FHIT: variants seen among roughly 807,000 people sequenced by gnomAD.
The protein encoded by FHIT is bis(5'-adenosyl)-triphosphatase.
FHIT carries 19 observed loss-of-function variants against 17.9 expected under a neutral mutation model. The observed-to-expected ratio is 1.06, with a 90% CI of 0.74 to 1.56. The LOEUF is 1.56. Among genes scored for constraint, FHIT ranks in the 40% most tolerant of loss-of-function variants. The pLI is 0.00. For synonymous variants in FHIT, 81 were observed against 69.7 expected, an observed-to-expected ratio of 1.16 and a Z score of -0.81; for missense variants, 248 against 189.2, an observed-to-expected ratio of 1.31 and a Z score of -1.82.
At chr3:60,738,930 A>T (rs1334527674) in intron 4 of FHIT, among the ~76,000 whole-genome samples, 4 of 152,124 alleles carry the variant, frequency 2.6e-5, no homozygotes, top group Non-Finnish European at 5.9e-5. Flanking sequence ...ACCCATATAA[A>T]TCCCGGACCC....
At chr3:60,049,048 T>G (rs1701767980) in intron 5 of FHIT, among the ~76,000 whole-genome samples, 1 of 152,204 alleles carries the variant, frequency 6.6e-6, no homozygotes, top group Admixed American at 6.5e-5. Flanking sequence ...TGGATTTTCC[T>G]TCTGACCTGC....
intron 4 of FHIT, chr3:60,732,603 T>C (rs1306894729): frequency 3.6e-6 from 2 of 555,808 alleles, no homozygotes; most frequent in Non-Finnish European, 7.1e-6. Context: ...TCCGTGTCAA[T>C]GGCAATGTGG....
intron 5 of FHIT, among the ~76,000 whole-genome samples, chr3:60,240,291 A>G (rs1705059772): frequency 6.6e-6 from 1 of 152,176 alleles, no homozygotes; most frequent in Non-Finnish European, 1.5e-5. Flanking sequence ...TTTGCTTCAA[A>G]TTTATATTTC....
chr3:60,529,816 T>A (rs2035706395), intron 5 of FHIT, among the ~76,000 whole-genome samples: 1 of 152,224 alleles, frequency 6.6e-6, no homozygotes, highest in Non-Finnish European at 1.5e-5. Context: ...AAGTGTTGTC[T>A]AGATACATAT....
Position 61,036,901 on chromosome 3 carries a change from G to T in FHIT, c.-111+5146C>A, listed in dbSNP as rs1291352680. Among the ~76,000 whole-genome samples the T allele has an allele frequency of 2.6e-4, 18 of 70,292 alleles. No individual in the cohort carries two copies. The South Asian group carries it at 2.7e-3, about 11-fold the overall frequency. The allele number at this position is 70,292 out of a possible 152,430, so 46.1% of individuals were successfully genotyped here. Reference sequence around the variant, plus strand: ...TTCACCTCAAAGATCAGTCTGCTTTGTTTTTTTTTTTTGTTTGTTTGTTTT... The same window carrying T: ...TTCACCTCAAAGATCAGTCTGCTTTTTTTTTTTTTTTTGTTTGTTTGTTTT... On this transcript the variant is annotated intron_variant, in intron 3 of 9. Transcript: ENST00000492590.
chr3:61,172,076 G>T (rs1315690306), intron 2 of FHIT, among the ~76,000 whole-genome samples: 1 of 152,110 alleles, frequency 6.6e-6, no homozygotes, highest in Non-Finnish European at 1.5e-5. Context: ...TGTTTTGTGA[G>T]CAAAATCAAA....
At chr3:60,732,574 G>C in intron 4 of FHIT, 1 of 606,022 alleles carries the variant, frequency 1.7e-6, no homozygotes, top group East Asian at 3.9e-5. Context: ...ACAGCTCGAA[G>C]GAGACGCGGC....
chr3:59,808,728 G>A (rs1380613562), intron 8 of FHIT, among the ~76,000 whole-genome samples: 1 of 152,150 alleles, frequency 6.6e-6, no homozygotes, highest in Non-Finnish European at 1.5e-5. Flanking sequence ...GATGGCTTGA[G>A]CTTTAACTAC....
chr3:60,318,419 G>C (rs575828836), intron 5 of FHIT, among the ~76,000 whole-genome samples: 24 of 152,198 alleles, frequency 1.6e-4, no homozygotes, highest in African/African-American at 5.8e-4. Context: ...AAGGCATCTG[G>C]GGGGTGAAAA....
At chr3:60,648,314 G>GC (rs1425407240) in intron 4 of FHIT, among the ~76,000 whole-genome samples, 1 of 152,156 alleles carries the variant, frequency 6.6e-6, no homozygotes, top group Non-Finnish European at 1.5e-5. Flanking sequence ...TAAAATTAGA[G>GC]CCCAATTACC....
chr3:60,653,932 G>A lies in FHIT; in HGVS notation c.-17-116953C>T, dbSNP rs532107272. Among the ~76,000 whole-genome samples, 29 of 152,276 alleles carry A rather than the reference G, an allele frequency of 1.9e-4. No homozygotes were observed. In the South Asian group the frequency reaches 4.8e-3, roughly 25 times the overall value. On this transcript the variant is annotated intron_variant, in intron 4 of 9. Transcript: ENST00000492590. The stretch of plus-strand genomic sequence containing the variant: ...ATGTAATCCCCGGTGCTGGAGGTGG[G>A]GCCTGGTGGGAGGTGTTTGGATCAT...
At chr3:61,220,249 C>A (rs537753407) in intron 1 of FHIT, among the ~76,000 whole-genome samples, 26 of 152,162 alleles carry the variant, frequency 1.7e-4, no homozygotes, top group Admixed American at 7.2e-4. Flanking sequence ...ATTCTTAAAC[C>A]CCTTTCTAAA....
chr3:60,283,011 G>A (rs1707535260), intron 5 of FHIT, among the ~76,000 whole-genome samples: 1 of 152,120 alleles, frequency 6.6e-6, no homozygotes, highest in African/African-American at 2.4e-5. Flanking sequence ...CAGCTGGCTA[G>A]CTGTTTAGAG....
At chr3:60,454,522 C>T (rs148382885) in intron 5 of FHIT, among the ~76,000 whole-genome samples, 1 of 151,378 alleles carries the variant, frequency 6.6e-6, no homozygotes, top group Admixed American at 6.6e-5. Context: ...GTAGCTGGGA[C>T]TACAGGCACC....
At position 60,371,719 on chromosome 3, in the gene FHIT, C is replaced by T. The variant is rs564230823; in HGVS notation, c.103+165141G>A. ...ACATTTAAAAAATACCCCCAGATAG[C>T]TGAGCATTCATAAATTGATTTTATG... On this transcript the variant is annotated intron_variant, in intron 5 of 9. Coordinates refer to ENST00000492590, the MANE Select transcript of FHIT (RefSeq NM_002012.4). 1.2e-3 allele frequency among the ~76,000 whole-genome samples: 179 copies of T among 152,150 alleles called. 1 individual carries two copies. The highest frequency in any genetic ancestry group is 3.4e-3 in the Middle Eastern group (1 of 294).
At chr3:59,966,165 CA>C (rs1346103868) in intron 7 of FHIT, among the ~76,000 whole-genome samples, 1 of 152,148 alleles carries the variant, frequency 6.6e-6, no homozygotes, top group East Asian at 1.9e-4. Context: ...CAGAGGTATT[CA>C]AACAAATAAG....
intron 2 of FHIT, among the ~76,000 whole-genome samples, chr3:61,061,606 C>T (rs1053040801): frequency 6.6e-6 from 1 of 151,646 alleles, no homozygotes; most frequent in African/African-American, 2.4e-5. Context: ...TATGGACTTG[C>T]TTGAACACAC....
intron 3 of FHIT, among the ~76,000 whole-genome samples, chr3:60,955,609 T>TATATGTATATATATATATGTATATAC (rs1709089854): frequency 1.1e-4 from 1 of 9,150 alleles, no homozygotes; most frequent in African/African-American, 1.7e-4. Context: ...TATATATATA[T>TATATGTATATATATATATGTATATAC]ATATATATAT....
intron 4 of FHIT, among the ~76,000 whole-genome samples, chr3:60,760,713 A>G (rs1235966362): frequency 1.3e-5 from 2 of 152,186 alleles, no homozygotes; most frequent in African/African-American, 4.8e-5. Context: ...TAAGGAAAAT[A>G]AAGAAGACAT....
Sources: gnomAD v4.1 joint callset for allele counts (sites outside exome capture counted in the v4.1 genomes callset) on GRCh38, gnomAD v4.1.1 for gene constraint, MANE v1.5 for transcripts, NCBI Gene and HGNC (gene_info 2026-07-23, HGNC 2026-07-21) for gene names.